UBE2D4: variants seen among roughly 807,000 people sequenced by gnomAD.
UBE2D4 encodes the protein ubiquitin-conjugating enzyme E2 D4.
Under a neutral mutation model 23.0 loss-of-function variants are expected in UBE2D4, and 17 were observed. The ratio of observed to expected loss-of-function variants is 0.74; its 90% CI spans 0.51 to 1.11. UBE2D4 has a LOEUF of 1.11. Ranked by LOEUF, UBE2D4 falls within the 50% of genes least tolerant of loss-of-function variation. The probability of loss-of-function intolerance (pLI) is 0.00; values close to 1 mark genes in which losing one functional copy is unlikely to be tolerated. For missense variants in UBE2D4, 139 were observed against 181.8 expected (o/e 0.76, Z 1.35); for synonymous variants, 61 against 69.4 (o/e 0.88, Z 0.60).
chr7:43,927,757 C>T (rs1326081753), intron 1 of UBE2D4, among the ~76,000 whole-genome samples: 3 of 152,168 alleles, frequency 2.0e-5, no homozygotes, highest in African/African-American at 7.2e-5. Context: ...GGGCAAGGCA[C>T]TTTATCATTC....
At chr7:43,934,515 G>T (rs1371216537) in intron 1 of UBE2D4, among the ~76,000 whole-genome samples, 3 of 147,384 alleles carry the variant, frequency 2.0e-5, no homozygotes, top group South Asian at 2.1e-4. Context: ...CTATGTTTAA[G>T]CCTAAAATAA....
chr7:43,929,749 A>G (rs1322856869), intron 1 of UBE2D4, among the ~76,000 whole-genome samples: 2 of 152,214 alleles, frequency 1.3e-5, no homozygotes, highest in African/African-American at 4.8e-5. Context: ...ATTCTTAATA[A>G]TTATCGAACT....
chr7:43,952,258 C>T (rs933537836), intron 6 of UBE2D4: 36 of 208,076 alleles, frequency 1.7e-4, no homozygotes, highest in Non-Finnish European at 2.5e-4. Context: ...GATTCCCAAG[C>T]CCTTGTTCTG....
chr7:43,932,090 A>G (rs2095947083), intron 1 of UBE2D4, among the ~76,000 whole-genome samples: 1 of 151,784 alleles, frequency 6.6e-6, no homozygotes. Context: ...CCAGGTTCAC[A>G]CCATTCTCCA....
Position 43,953,901 on chromosome 7 carries a change from A to G in UBE2D4, c.*1206A>G, listed in dbSNP as rs1484083409. ...ACTTCCAGGAAGTGATGTGTAGGTG[A>G]ATAGGAACAAAAGGTGAAGAAGCAG... On this transcript the variant is annotated 3_prime_UTR_variant, in exon 7 of 7. Coordinates refer to ENST00000222402, the MANE Select transcript of UBE2D4 (RefSeq NM_015983.4). The G allele has an allele frequency of 6.6e-6, 1 of 152,260 alleles. No homozygotes were observed. The highest frequency in any genetic ancestry group is 2.4e-5 in the African/African-American group (1 of 41,438). The allele number at this position is 152,260 out of a possible 1,614,324, so 9.4% of individuals were successfully genotyped here.
At chr7:43,928,304 G>T (rs781014714) in intron 1 of UBE2D4, among the ~76,000 whole-genome samples, 3 of 152,116 alleles carry the variant, frequency 2.0e-5, no homozygotes, top group African/African-American at 4.8e-5. Flanking sequence ...ATGAGATTTG[G>T]GGGGGACAAA....
intron 1 of UBE2D4, among the ~76,000 whole-genome samples, chr7:43,931,026 AG>A (rs972874312): frequency 2.6e-5 from 4 of 151,826 alleles, no homozygotes; most frequent in Admixed American, 2.6e-4. Flanking sequence ...TGGAAGGCTG[AG>A]GCAGGAGACT....
At chr7:43,942,570 G>C (rs2095975537) in intron 2 of UBE2D4, 1 of 598,866 alleles carries the variant, frequency 1.7e-6, no homozygotes, top group Non-Finnish European at 3.0e-6. Flanking sequence ...CTCTGCGTTT[G>C]GACCCTCCTG....
chr7:43,952,543 A>AAGC (rs1217939983), intron 6 of UBE2D4, 107 bp from the exon 7 acceptor site: 3 of 1,003,206 alleles, frequency 3.0e-6, no homozygotes, highest in South Asian at 2.6e-5. Context: ...GATGTTTGAC[A>AAGC]AGCAGCAGCA....
Position 43,955,456 on chromosome 7 carries a change from C to T in UBE2D4, c.*2761C>T, listed in dbSNP as rs2096011460. On this transcript the variant is annotated 3_prime_UTR_variant, in exon 7 of 7. Coordinates refer to ENST00000222402, the MANE Select transcript of UBE2D4 (RefSeq NM_015983.4). ...AGACTCCAGAAAGATCCAGGAGTTC[C>T]AAGAACATGGCAAAGAGTCAAAATC... 1 of 152,078 alleles carries T rather than the reference C, an allele frequency of 6.6e-6. No individual in the cohort carries two copies. Among genetic ancestry groups the T allele is most frequent in the Admixed American group, 6.6e-5 (1 of 15,246 alleles). The allele number at this position is 152,078 out of a possible 1,614,324, so 9.4% of individuals were successfully genotyped here.
rs1412476296 is a variant in UBE2D4 at position 43,953,341 on chromosome 7, A to G, written c.*646A>G. The stretch of plus-strand genomic sequence containing the variant: ...TGGAAAATTTCAGGATACAAAGCAC[A>G]TAACACCCCATAAGAGATGATTATG... On this transcript the variant is annotated 3_prime_UTR_variant, in exon 7 of 7. Coordinates refer to ENST00000222402, the MANE Select transcript of UBE2D4 (RefSeq NM_015983.4). 12 of 384,170 alleles carry G rather than the reference A, an allele frequency of 3.1e-5. No individual in the cohort carries two copies. Among genetic ancestry groups the G allele is most frequent in the African/African-American group, 1.3e-4 (6 of 47,494 alleles). The allele number at this position is 384,170 out of a possible 1,614,324, so 23.8% of individuals were successfully genotyped here.
intron 6 of UBE2D4, chr7:43,952,449 G>A (rs1291756858): frequency 5.4e-6 from 3 of 555,584 alleles, no homozygotes; most frequent in Non-Finnish European, 9.8e-6. Flanking sequence ...CACATGAGGG[G>A]TTCACCCAGC....
In UBE2D4 at chr7:43,953,456, T is replaced by C. The variant is rs1479359659; in HGVS notation, c.*761T>C. On this transcript the variant is annotated 3_prime_UTR_variant, in exon 7 of 7. Transcript: ENST00000222402. ...GAAGATTCTCACTACCGCCCGCTCC[T>C]CCCATAGGAGCCTACACTAAGTCCA... is the stretch of plus-strand genomic sequence containing the variant. 6.1e-6 allele frequency: 2 copies of C among 328,532 alleles called. No homozygotes were observed. Among genetic ancestry groups the C allele is most frequent in the Non-Finnish European group, 5.9e-6 (1 of 168,244 alleles). 20.4% of individuals were successfully genotyped at this position (328,532 alleles called of 1,614,324 possible).
At chr7:43,945,080 C>T (rs1189228595) in intron 4 of UBE2D4, 1 of 152,128 alleles carries the variant, frequency 6.6e-6, no homozygotes, top group Non-Finnish European at 1.5e-5. Context: ...GCAACCTCCG[C>T]CTCTCGGGTT....
intron 2 of UBE2D4, among the ~76,000 whole-genome samples, chr7:43,939,611 G>A (rs2095966664): frequency 6.6e-6 from 1 of 152,240 alleles, no homozygotes; most frequent in South Asian, 2.1e-4. Flanking sequence ...GAGTGAGACA[G>A]AATGTGTATG....
chr7:43,930,520 A>G (rs2095943006), intron 1 of UBE2D4, among the ~76,000 whole-genome samples: 1 of 152,170 alleles, frequency 6.6e-6, no homozygotes, highest in African/African-American at 2.4e-5. Context: ...CAGTGGCTCA[A>G]TCATAGCTCA....
chr7:43,945,063 G>GCT (rs1168355741), intron 4 of UBE2D4: 1 of 152,106 alleles, frequency 6.6e-6, no homozygotes, highest in East Asian at 1.9e-4. Flanking sequence ...CACAATCTCA[G>GCT]CTCACTGCAA....
rs545471592 is a variant in UBE2D4 at position 43,942,850 on chromosome 7, T to C, written c.113T>C (p.Met38Thr). ...GTGTTCCACTGGCAGGCCACCATCATGGGCCCGGTAGGTAGTAGCTGCTGA... is the reference window on the plus strand; with the variant it reads ...GTGTTCCACTGGCAGGCCACCATCACGGGCCCGGTAGGTAGTAGCTGCTGA... ...DDLFHWQATI[M>T]GPNDSPYQGG... The change falls in exon 3 of 7, where the codon ATG becomes ACG. Residue 38 changes from methionine (M) to threonine (T), a missense_variant. Transcript: ENST00000222402. The C allele has an allele frequency of 5.5e-5, 88 of 1,614,204 alleles. No individual in the cohort carries two copies. The South Asian group carries it at 8.7e-4, about 16-fold the overall frequency.
Position 43,953,207 on chromosome 7 carries a change from T to A in UBE2D4, c.*512T>A. 1 of 456,648 alleles carries A rather than the reference T, an allele frequency of 2.2e-6. No individual in the cohort carries two copies. Among genetic ancestry groups the A allele is most frequent in the Non-Finnish European group, 4.4e-6 (1 of 226,952 alleles). 28.3% of individuals were successfully genotyped at this position (456,648 alleles called of 1,614,324 possible). A position where few individuals can be genotyped will look rare whatever the true frequency, so the allele number is the denominator to read the frequency against. ...GAGTCTCAGCTTATCCTGGAGGGAATTGGGAACAGTGTCACTGGGAAGTGA... is the reference window on the plus strand; with the variant it reads ...GAGTCTCAGCTTATCCTGGAGGGAAATGGGAACAGTGTCACTGGGAAGTGA... On this transcript the variant is annotated 3_prime_UTR_variant, in exon 7 of 7. Transcript: ENST00000222402.
Sources: allele counts gnomAD v4.1 joint callset (sites outside exome capture counted in the v4.1 genomes callset), GRCh38; gene constraint gnomAD v4.1.1; transcripts MANE v1.5; gene names NCBI Gene and HGNC (gene_info 2026-07-23, HGNC 2026-07-21).